Variants in ZDHHC20 observed in about 807,000 individuals in gnomAD.
ZDHHC20 encodes the protein zDHHC palmitoyltransferase 20.
Under a neutral mutation model 57.8 loss-of-function variants are expected in ZDHHC20, and 43 were observed. The observed-to-expected ratio is 0.74, with a 90% CI of 0.58 to 0.96. The LOEUF (loss-of-function observed/expected upper bound fraction) is 0.96, where lower values mean the gene tolerates loss of function less well. ZDHHC20 is among the 40% of genes least tolerant of loss of function. The probability of loss-of-function intolerance (pLI) is 0.00; values close to 1 mark genes in which losing one functional copy is unlikely to be tolerated. For synonymous variants in ZDHHC20, 157 were observed against 153.0 expected, an observed-to-expected ratio of 1.03 and a Z score of -0.19; for missense variants, 391 against 441.1, an observed-to-expected ratio of 0.89 and a Z score of 1.02.
chr13:21,400,068 T>A (rs1877402267), intron 7 of ZDHHC20, among the ~76,000 whole-genome samples: 1 of 151,784 alleles, frequency 6.6e-6, no homozygotes, highest in Non-Finnish European at 1.5e-5. Context: ...TTGCAGTAAG[T>A]CTCACCAACT....
Position 21,378,643 on chromosome 13 carries a change from A to G in ZDHHC20, c.*40+18T>C. 7.8e-7 allele frequency: 1 copy of G among 1,284,418 alleles called. No individual in the cohort carries two copies. Among genetic ancestry groups the G allele is most frequent in the South Asian group, 2.3e-5 (1 of 43,588 alleles). 79.6% of individuals were successfully genotyped at this position (1,284,418 alleles called of 1,614,324 possible). A position where few individuals can be genotyped will look rare whatever the true frequency, so the allele number is the denominator to read the frequency against. On this transcript the variant is annotated intron_variant, in intron 12 of 12. Coordinates refer to ENST00000400590, the MANE Select transcript of ZDHHC20 (RefSeq NM_001330059.2). ...AATAAGCTGCATTTATTCAAGGATT[A>G]CCTTTATACTGTCTTACCTTGCTCT...
At chr13:21,382,530 T>C (rs1873609039) in intron 10 of ZDHHC20, among the ~76,000 whole-genome samples, 1 of 152,204 alleles carries the variant, frequency 6.6e-6, no homozygotes, top group Non-Finnish European at 1.5e-5. Flanking sequence ...ATATTAAAAT[T>C]TATCAAAATA....
At chr13:21,446,277 C>T (rs1019333040) in intron 1 of ZDHHC20, among the ~76,000 whole-genome samples, 2 of 152,012 alleles carry the variant, frequency 1.3e-5, no homozygotes, top group African/African-American at 2.4e-5. Flanking sequence ...TATTAAGAGG[C>T]TATGTATTGC....
chr13:21,411,509 T>C (rs775823224), intron 4 of ZDHHC20, among the ~76,000 whole-genome samples: 3 of 152,182 alleles, frequency 2.0e-5, no homozygotes, highest in Admixed American at 6.5e-5. Flanking sequence ...CTGTTGAAGG[T>C]TGTATGGCTA....
chr13:21,411,077 C>T (rs993076377), intron 4 of ZDHHC20, among the ~76,000 whole-genome samples: 4 of 152,190 alleles, frequency 2.6e-5, no homozygotes, highest in African/African-American at 7.2e-5. Flanking sequence ...CTGTCCCTCA[C>T]GGCACAGTCC....
intron 3 of ZDHHC20, among the ~76,000 whole-genome samples, chr13:21,419,061 GAATT>G (rs1293541044): frequency 6.6e-6 from 1 of 152,066 alleles, no homozygotes; most frequent in Non-Finnish European, 1.5e-5. Context: ...CCTGAAATGA[GAATT>G]ATTTACTTTT....
intron 10 of ZDHHC20, among the ~76,000 whole-genome samples, chr13:21,382,294 G>C (rs1251766238): frequency 6.6e-6 from 1 of 152,144 alleles, no homozygotes; most frequent in African/African-American, 2.4e-5. Context: ...TGCTAGCTTA[G>C]AACTTATCAT....
chr13:21,430,453 A>C (rs529047128), intron 1 of ZDHHC20, among the ~76,000 whole-genome samples: 1 of 152,032 alleles, frequency 6.6e-6, no homozygotes, highest in Non-Finnish European at 1.5e-5. Flanking sequence ...TAGGCTCCTG[A>C]CTAGGGCTTC....
At chr13:21,395,935 ATAAAC>A (rs1420522722) in intron 7 of ZDHHC20, among the ~76,000 whole-genome samples, 2 of 152,154 alleles carry the variant, frequency 1.3e-5, no homozygotes, top group Non-Finnish European at 2.9e-5. Context: ...TCTTTCATAC[ATAAAC>A]TAAACAATCC....
At chr13:21,445,215 T>C (rs1404830390) in intron 1 of ZDHHC20, among the ~76,000 whole-genome samples, 1 of 152,162 alleles carries the variant, frequency 6.6e-6, no homozygotes, top group Admixed American at 6.5e-5. Flanking sequence ...ATAGAGCTTA[T>C]AAATTATTAA....
intron 1 of ZDHHC20, among the ~76,000 whole-genome samples, chr13:21,447,284 C>CTCTCCG (rs1297444436): frequency 6.8e-6 from 1 of 146,994 alleles, no homozygotes; most frequent in Non-Finnish European, 1.5e-5. Flanking sequence ...AGCGCTCTCC[C>CTCTCCG]TCTCCCTCTC....
chr13:21,381,171 T>C (rs1445804191), intron 11 of ZDHHC20, among the ~76,000 whole-genome samples: 1 of 152,002 alleles, frequency 6.6e-6, no homozygotes, highest in African/African-American at 2.4e-5. Context: ...CACGCCCGGC[T>C]AATTTTTTAT....
At chr13:21,413,585 T>C in intron 4 of ZDHHC20, 67 bp downstream of exon 4, 3 of 1,450,172 alleles carry the variant, frequency 2.1e-6, no homozygotes, top group Non-Finnish European at 2.8e-6. Flanking sequence ...ACCATGCAAA[T>C]ATATCCTGGC....
intron 4 of ZDHHC20, among the ~76,000 whole-genome samples, chr13:21,409,097 C>T (rs572000923): frequency 1.7e-4 from 26 of 152,210 alleles, no homozygotes; most frequent in Admixed American, 4.6e-4. Flanking sequence ...TGCTAGGTTT[C>T]GGTATCAGGA....
rs775026064 is a variant in ZDHHC20 at position 21,381,552 on chromosome 13, G to A, written c.945-3C>T. 2 of 1,603,090 alleles carry A rather than the reference G, an allele frequency of 1.2e-6. No individual in the cohort carries two copies. Among genetic ancestry groups the A allele is most frequent in the East Asian group, 2.2e-5 (1 of 44,820 alleles). ...GAAAAGGTTGATTTGAGCCACTACT[G>A]AAAAGAAGAGCAAACAACTTAGTAA... On this transcript the variant is annotated splice_region_variant and splice_polypyrimidine_tract_variant and intron_variant, in intron 10 of 12. Coordinates refer to ENST00000400590, the MANE Select transcript of ZDHHC20 (RefSeq NM_001330059.2).
intron 1 of ZDHHC20, among the ~76,000 whole-genome samples, chr13:21,432,383 G>C (rs1882065661): frequency 6.6e-6 from 1 of 150,502 alleles, no homozygotes; most frequent in Non-Finnish European, 1.5e-5. Flanking sequence ...AGGCTGGTGT[G>C]CAGTGGCGTG....
intron 1 of ZDHHC20, 142 bp from the exon 2 acceptor site, chr13:21,425,820 A>G: frequency 1.9e-6 from 1 of 530,598 alleles, no homozygotes; most frequent in Non-Finnish European, 2.7e-6. Flanking sequence ...TGCAAAGTCA[A>G]AATTGCACTT....
intron 8 of ZDHHC20, chr13:21,390,133 A>G (rs1391096963): frequency 6.6e-6 from 1 of 152,230 alleles, no homozygotes; most frequent in Admixed American, 6.5e-5. Flanking sequence ...TAAAGCATCT[A>G]CATGTCTCAC....
In ZDHHC20 at chr13:21,391,763, C is replaced by A. The variant is rs748641577; in HGVS notation, c.686G>T (p.Ser229Ile). 1.2e-6 allele frequency: 2 copies of A among 1,612,318 alleles called. No homozygotes were observed. Among genetic ancestry groups the A allele is most frequent in the Non-Finnish European group, 1.7e-6 (2 of 1,179,646 alleles). Residue 229 changes from serine (S) to isoleucine (I), a missense_variant, in exon 8 of 13, where the codon AGC becomes ATC. Physicochemically the swap from Ser to Ile is moderately radical, Grantham distance 142 (BLOSUM62 -2). Around this residue, in one of 3 missense-constraint regions of ZDHHC20, gnomAD observed 197 missense variants for 220.8 expected, o/e 0.89. Transcript: ENST00000400590. ...TTTTCCAACTAGCCAGCAGTGGTAG[C>A]TGAAAAGTGAGAGGACGCTGATGAA... is the stretch of plus-strand genomic sequence containing the variant. The part of the protein sequence containing the change: ...MFFISVLSLF[S>I]YHCWLVGKNR...
Sources: allele counts gnomAD v4.1 joint callset (sites outside exome capture counted in the v4.1 genomes callset), GRCh38; gene constraint gnomAD v4.1.1; regional missense constraint gnomAD v4.1.1; transcripts MANE v1.5; gene names NCBI Gene and HGNC (gene_info 2026-07-23, HGNC 2026-07-21).